Variants in AGMO observed in about 807,000 individuals in gnomAD.
The protein encoded by AGMO is glyceryl-ether monooxygenase.
In AGMO, 75 loss-of-function variants were observed where a neutral mutation model predicts 60.2. The ratio of observed to expected loss-of-function variants is 1.25; its 90% confidence interval spans 1.03 to 1.51. AGMO has a LOEUF of 1.51. Ranked by LOEUF, AGMO falls within the 40% of genes most tolerant of loss-of-function variation. The probability of loss-of-function intolerance (pLI) is 0.00; values close to 1 mark genes in which losing one functional copy is unlikely to be tolerated. For missense variants in AGMO, 763 were observed against 525.5 expected, an observed-to-expected ratio of 1.45 and a Z score of -4.42; for synonymous variants, 261 against 177.1, an observed-to-expected ratio of 1.47 and a Z score of -3.76.
At chr7:15,209,685 G>A (rs1781533693) in intron 12 of AGMO, among the ~76,000 whole-genome samples, 1 of 152,120 alleles carries the variant, frequency 6.6e-6, no homozygotes, top group Admixed American at 6.5e-5. Flanking sequence ...TAAACTGCAG[G>A]ACCAGCCATG....
intron 12 of AGMO, among the ~76,000 whole-genome samples, chr7:15,221,647 C>G (rs985130222): frequency 6.6e-6 from 1 of 152,036 alleles, no homozygotes; most frequent in South Asian, 2.1e-4. Flanking sequence ...ATTGTAGAAT[C>G]CCTTTTAAAG....
chr7:15,305,514 T>C (rs371278664), intron 12 of AGMO, among the ~76,000 whole-genome samples: 1 of 152,164 alleles, frequency 6.6e-6, no homozygotes. Context: ...TTTTTAAACC[T>C]TGTGTTTTCT....
intron 3 of AGMO, among the ~76,000 whole-genome samples, chr7:15,525,394 T>A (rs527589371): frequency 6.6e-6 from 1 of 152,076 alleles, no homozygotes; most frequent in Non-Finnish European, 1.5e-5. Context: ...ATTTTACATA[T>A]ACCTACCCTT....
At chr7:15,266,465 T>C (rs56142823) in intron 12 of AGMO, among the ~76,000 whole-genome samples, 16,404 of 152,070 alleles carry the variant, frequency 0.11, 1,204 homozygotes, top group South Asian at 0.29. Context: ...TATAACTTTA[T>C]CACATTAAAA....
intron 12 of AGMO, among the ~76,000 whole-genome samples, chr7:15,208,947 C>T (rs1781507681): frequency 6.6e-6 from 1 of 152,170 alleles, no homozygotes. Context: ...ATTCAAAGTA[C>T]TACACTTTTC....
intron 10 of AGMO, among the ~76,000 whole-genome samples, chr7:15,371,822 GCCA>G (rs1273501262): frequency 6.6e-6 from 1 of 152,016 alleles, no homozygotes; most frequent in Non-Finnish European, 1.5e-5. Flanking sequence ...ATAGGCATGA[GCCA>G]CCACACCTCA....
chr7:15,286,804 C>A (rs1272441242), intron 12 of AGMO, among the ~76,000 whole-genome samples: 1 of 152,008 alleles, frequency 6.6e-6, no homozygotes, highest in African/African-American at 2.4e-5. Context: ...TTCACAATTG[C>A]AAAGATATGG....
At chr7:15,489,896 G>A (rs1042360912) in intron 3 of AGMO, among the ~76,000 whole-genome samples, 21 of 152,278 alleles carry the variant, frequency 1.4e-4, no homozygotes, top group African/African-American at 5.1e-4. Flanking sequence ...AGAATCATGA[G>A]TAAACAGCCT....
chr7:15,235,870 T>C (rs74922990), intron 12 of AGMO, among the ~76,000 whole-genome samples: 2 of 152,230 alleles, frequency 1.3e-5, no homozygotes, highest in East Asian at 3.9e-4. Flanking sequence ...GACTGCAAAA[T>C]TTGCATCATT....
At chr7:15,327,063 A>G (rs2128542537) in intron 12 of AGMO, among the ~76,000 whole-genome samples, 1 of 152,296 alleles carries the variant, frequency 6.6e-6, no homozygotes, top group Admixed American at 6.5e-5. Context: ...GTGAAGGCAG[A>G]GATTTGAATC....
intron 3 of AGMO, among the ~76,000 whole-genome samples, chr7:15,513,437 A>T (rs1783730716): frequency 6.6e-6 from 1 of 152,122 alleles, no homozygotes; most frequent in Non-Finnish European, 1.5e-5. Context: ...GAATCAAGAC[A>T]ATATTTTCTT....
chr7:15,117,368 T>G, the AGMO span, among the ~76,000 whole-genome samples: 3 of 152,044 alleles, frequency 2.0e-5, no homozygotes, highest in East Asian at 5.8e-4. Flanking sequence ...CATAACTGAC[T>G]TGTAGGAACA....
chr7:15,354,445 CGTGT>C (rs1191053177), intron 12 of AGMO, among the ~76,000 whole-genome samples: 15 of 16,266 alleles, frequency 9.2e-4, no homozygotes, highest in Middle Eastern at 0.038. Flanking sequence ...TGTATACACA[CGTGT>C]GTGTATACAC....
At chr7:15,516,238 AAGAG>A (rs530178524) in intron 3 of AGMO, among the ~76,000 whole-genome samples, 9 of 151,476 alleles carry the variant, frequency 5.9e-5, no homozygotes, top group Admixed American at 3.3e-4. Context: ...TTAAAAAAGG[AAGAG>A]AGAGAGAGAG....
At chr7:15,393,975 A>G (rs1784258771) in intron 6 of AGMO, 138 bp downstream of exon 6, 1 of 536,408 alleles carries the variant, frequency 1.9e-6, no homozygotes, top group Non-Finnish European at 3.2e-6. Context: ...CAAAGAAGAT[A>G]GAAAAGAAGA....
At chr7:15,321,653 T>C (rs1045034303) in intron 12 of AGMO, among the ~76,000 whole-genome samples, 3 of 152,092 alleles carry the variant, frequency 2.0e-5, no homozygotes, top group African/African-American at 7.2e-5. Flanking sequence ...AAAAGACATA[T>C]ATGATGTCTA....
Position 15,418,558 on chromosome 7 carries a change from C to G in AGMO, c.609G>C (p.Glu203Asp). The G allele has an allele frequency of 1.3e-6, 2 of 1,577,814 alleles. No individual in the cohort carries two copies. The highest frequency in any genetic ancestry group is 1.7e-6 in the Non-Finnish European group (2 of 1,158,746). ...TTACAAAGATAAAAAAAAGTTTTACCTCTGTATGGATCCAAAATTGGTAAA... is the reference window on the plus strand; with the variant it reads ...TTACAAAGATAAAAAAAAGTTTTACGTCTGTATGGATCCAAAATTGGTAAA... ...NLLYQFWIHT[E>D]VINNLGPLEL... The change falls in exon 5 of 13, where the codon GAG becomes GAC. Residue 203 changes from glutamate (E) to aspartate (D), a missense_variant and splice_region_variant. Physicochemically the swap from Glu to Asp is conservative, Grantham distance 45. Transcript: ENST00000342526.
intron 3 of AGMO, among the ~76,000 whole-genome samples, chr7:15,451,043 A>C (rs1781843234): frequency 6.8e-6 from 1 of 147,980 alleles, no homozygotes; most frequent in Non-Finnish European, 1.5e-5. Flanking sequence ...AAAATTGCCT[A>C]TTGTCACATT....
rs185460919 is a variant in AGMO, at chr7:15,468,815, G to A, written c.410-37707C>T. On this transcript the variant is annotated intron_variant, in intron 3 of 12. Coordinates refer to ENST00000342526, the MANE Select transcript of AGMO (RefSeq NM_001004320.2). ...CACGTTTGTGGATTGAGGTAATCCG[G>A]GCAGAGATGGATGATTTTATGATTC... Among the ~76,000 whole-genome samples the A allele has an allele frequency of 1.8e-4, 27 of 152,062 alleles. No individual in the cohort carries two copies. In the East Asian group the frequency reaches 2.3e-3, roughly 13 times the overall value.
Sources: gnomAD v4.1 joint callset for allele counts (sites outside exome capture counted in the v4.1 genomes callset) on GRCh38, gnomAD v4.1.1 for gene constraint, MANE v1.5 for transcripts, NCBI Gene and HGNC (gene_info 2026-07-23, HGNC 2026-07-21) for gene names.